The following TNS1 variants were observed in gnomAD, a reference collection of about 807,000 sequenced individuals.
TNS1 encodes tensin 1.
TNS1 carries 62 observed loss-of-function variants against 168.6 expected under a neutral mutation model. The ratio of observed to expected loss-of-function variants is 0.37; its 90% CI spans 0.30 to 0.45. The LOEUF (loss-of-function observed/expected upper bound fraction) is 0.45. Among genes scored for constraint, TNS1 ranks in the 20% least tolerant of loss-of-function variants. The pLI is 1.00. For missense variants in TNS1, 2,240 were observed against 2,339.4 expected (o/e 0.96, Z 0.88); for synonymous variants, 934 against 933.2 (o/e 1.00, Z -0.02).
intron 3 of TNS1, among the ~76,000 whole-genome samples, chr2:217,972,508 T>C (rs1054010069): frequency 1.3e-5 from 2 of 151,986 alleles, no homozygotes; most frequent in Non-Finnish European, 2.9e-5. Context: ...GCTTAAAGGA[T>C]GAGATTTAAG....
chr2:217,847,379 A>G (rs55763335), intron 19 of TNS1, 131 bp downstream of exon 19: 331,192 of 837,056 alleles, frequency 0.4, 67,134 homozygotes, highest in African/African-American at 0.6. Context: ...TGGCTAGCAT[A>G]TAGGCTCCTG....
chr2:218,002,610 A>T (rs1165753660), intron 1 of TNS1, among the ~76,000 whole-genome samples: 5 of 151,396 alleles, frequency 3.3e-5, no homozygotes, highest in African/African-American at 7.3e-5. Context: ...GGGGCAGGGG[A>T]TGTACTGACC....
upstream of TNS1, among the ~76,000 whole-genome samples, chr2:218,007,832 G>A (rs973349455): frequency 1.3e-5 from 2 of 152,110 alleles, no homozygotes; most frequent in African/African-American, 4.8e-5. Flanking sequence ...GAGGGTGCAT[G>A]AGTGGGAGCT....
In TNS1 at chr2:217,835,117, G is replaced by C. The variant is rs1392241595; in HGVS notation, c.3254C>G (p.Ser1085Cys). Residue 1085 changes from serine to cysteine, a missense_variant, in exon 21 of 33, where the codon TCC becomes TGC. Physicochemically the swap from Ser to Cys is moderately radical, Grantham distance 112 (BLOSUM62 -1). Transcript: ENST00000682258. ...CCCACTGGGTGGTGGGCTGCTCGGG[G>C]AGGTTCCCTCCATCTCCTCGAAGGC... ...KEAFEEMEGT[S>C]PSSPPPSGVR... 1.3e-6 allele frequency: 2 copies of C among 1,589,980 alleles called. No homozygotes were observed. The highest frequency in any genetic ancestry group is 1.7e-6 in the Non-Finnish European group (2 of 1,171,378).
At chr2:217,812,884 T>C (rs1941217335) in intron 27 of TNS1, among the ~76,000 whole-genome samples, 1 of 152,138 alleles carries the variant, frequency 6.6e-6, no homozygotes, top group African/African-American at 2.4e-5. Flanking sequence ...CCAAACAGGA[T>C]GGTTGTGAGG....
At chr2:217,826,653 A>G (rs904985665) in intron 22 of TNS1, among the ~76,000 whole-genome samples, 1 of 151,948 alleles carries the variant, frequency 6.6e-6, no homozygotes, top group South Asian at 2.1e-4. Context: ...CCTCACTCGC[A>G]CCACCTCTCC....
chr2:217,927,402 C>T (rs1304863522), intron 3 of TNS1, among the ~76,000 whole-genome samples: 1 of 152,162 alleles, frequency 6.6e-6, no homozygotes, highest in Admixed American at 6.5e-5. Context: ...ACCTTGAATG[C>T]CCAGTGAAGG....
Position 217,813,567 on chromosome 2 carries a change from CGAAGAGCCT to C in TNS1, c.4861+109_4861+117del. The C allele has an allele frequency of 6.9e-7, 1 of 1,439,004 alleles. No homozygotes were observed. The highest frequency in any genetic ancestry group is 9.4e-7 in the Non-Finnish European group (1 of 1,067,564). The allele number at this position is 1,439,004 out of a possible 1,614,324, so 89.1% of individuals were successfully genotyped here. A position where few individuals can be genotyped will look rare whatever the true frequency, so the allele number is the denominator to read the frequency against. On this transcript the variant is annotated intron_variant, in intron 26 of 32. Transcript: ENST00000682258. This position sits in a 1 kb window ranked among gnomAD's most constrained non-coding sequence, Gnocchi z 4.0. ...TCACCAAGCCCAAGACACCCTCTTC[CGAAGAGCCT>C]GATGGGAGTTAAGGTCCTGCCCAGC... is the stretch of plus-strand genomic sequence containing the variant.
intron 3 of TNS1, among the ~76,000 whole-genome samples, chr2:217,927,386 T>C (rs185492340): frequency 5.7e-4 from 87 of 152,264 alleles, no homozygotes; most frequent in African/African-American, 1.8e-3. Flanking sequence ...GGCTTGACCA[T>C]AGGCAACCTT....
intron 18 of TNS1, among the ~76,000 whole-genome samples, chr2:217,857,472 G>A (rs969185531): frequency 3.9e-5 from 6 of 152,204 alleles, no homozygotes; most frequent in Non-Finnish European, 5.9e-5. Context: ...AACTATGTCT[G>A]TGGACCCAGA....
chr2:217,841,191 C>A, intron 19 of TNS1: 49 of 984,196 alleles, frequency 5.0e-5, no homozygotes, highest in Non-Finnish European at 5.8e-5. Context: ...GGAAGGAGAG[C>A]CACCCACCAG....
At chr2:217,982,439 T>C (rs1279194438) in intron 2 of TNS1, among the ~76,000 whole-genome samples, 2 of 151,078 alleles carry the variant, frequency 1.3e-5, no homozygotes, top group Admixed American at 6.6e-5. Flanking sequence ...TGCTCTGCTC[T>C]GTCACCCAGG....
In TNS1 at chr2:217,949,905, T is replaced by TA. The variant is rs1347955051; in HGVS notation, c.186+28859dup. ...CAAAGCCATAAAAAACCTGAATCGA[T>TA]AAGAGTTCATACAGCAAAAGGTCTA... is the stretch of plus-strand genomic sequence containing the variant. On this transcript the variant is annotated intron_variant, in intron 3 of 32. Coordinates refer to ENST00000682258, the MANE Select transcript of TNS1 (RefSeq NM_001387777.1). 2.0e-5 allele frequency among the ~76,000 whole-genome samples: 3 copies of TA among 152,280 alleles called. No individual in the cohort carries two copies. The East Asian group carries it at 5.8e-4, about 29-fold the overall frequency.
intron 21 of TNS1, among the ~76,000 whole-genome samples, chr2:217,834,721 G>A (rs193293500): frequency 3.3e-5 from 5 of 152,316 alleles, no homozygotes; most frequent in Admixed American, 2.6e-4. Context: ...ATGGAGGTCA[G>A]AAACAAAGTC....
At chr2:217,878,345 A>G (rs912921939) in intron 18 of TNS1, among the ~76,000 whole-genome samples, 1 of 152,192 alleles carries the variant, frequency 6.6e-6, no homozygotes, top group African/African-American at 2.4e-5. Flanking sequence ...CAGATGCCCA[A>G]AGCAGGCCCC....
At chr2:217,959,609 T>G (rs1957447338) in intron 3 of TNS1, among the ~76,000 whole-genome samples, 1 of 152,214 alleles carries the variant, frequency 6.6e-6, no homozygotes, top group African/African-American at 2.4e-5. Flanking sequence ...CATGGAATCT[T>G]AGCATAAAAC....
chr2:218,013,763 G>T (rs140781883), upstream of TNS1, among the ~76,000 whole-genome samples: 1 of 152,044 alleles, frequency 6.6e-6, no homozygotes, highest in Non-Finnish European at 1.5e-5. Flanking sequence ...TGGGGGTCTG[G>T]CCAGGAGTTG....
intron 18 of TNS1, among the ~76,000 whole-genome samples, chr2:217,857,759 A>G (rs1574840165): frequency 6.6e-6 from 1 of 151,896 alleles, no homozygotes; most frequent in African/African-American, 2.4e-5. Context: ...CAGCCTCCTG[A>G]CTCCGGCCTG....
intron 6 of TNS1, 62 bp downstream of exon 6, chr2:217,906,273 C>CCCCCCCAAA: frequency 9.1e-6 from 6 of 655,996 alleles, no homozygotes; most frequent in Admixed American, 2.2e-5. Context: ...CCTCCCACCC[C>CCCCCCCAAA]ACCCCATTCC....
Sources: allele counts gnomAD v4.1 joint callset (sites outside exome capture counted in the v4.1 genomes callset), GRCh38; gene constraint gnomAD v4.1.1; non-coding constraint Gnocchi (gnomAD v3.1); transcripts MANE v1.5; gene names NCBI Gene and HGNC (gene_info 2026-07-23, HGNC 2026-07-21).